Variants in UBTD2 observed in about 807,000 individuals in gnomAD.
UBTD2 encodes the protein ubiquitin domain-containing protein 2.
In UBTD2, 9 loss-of-function variants were observed where a neutral mutation model predicts 19.8. That is an observed-to-expected ratio of 0.46 (90% CI 0.27 to 0.79). The LOEUF (loss-of-function observed/expected upper bound fraction) is 0.79, where lower values mean the gene tolerates loss of function less well. Among genes scored for constraint, UBTD2 ranks in the 30% least tolerant of loss-of-function variants. The pLI is 0.14. For missense variants in UBTD2, 250 were observed against 300.4 expected, an observed-to-expected ratio of 0.83 and a Z score of 1.24; for synonymous variants, 98 against 103.9, an observed-to-expected ratio of 0.94 and a Z score of 0.35.
chr5:172,247,703 A>T (rs1399551856), intron 1 of UBTD2, among the ~76,000 whole-genome samples: 2 of 152,214 alleles, frequency 1.3e-5, no homozygotes, highest in African/African-American at 2.4e-5. Context: ...CAAGCACAGA[A>T]TTGAAGGGAG....
intron 1 of UBTD2, among the ~76,000 whole-genome samples, chr5:172,269,691 AACTAAGAG>A (rs1755445689): frequency 1.3e-5 from 2 of 151,120 alleles, no homozygotes; most frequent in South Asian, 4.2e-4. Flanking sequence ...GAAAATTGGG[AACTAAGAG>A]ACACAGACTG....
chr5:172,229,728 G>A (rs1436387595), intron 2 of UBTD2, among the ~76,000 whole-genome samples: 2 of 152,074 alleles, frequency 1.3e-5, no homozygotes, highest in Non-Finnish European at 2.9e-5. Context: ...AAAGCATTAA[G>A]TGTTCATCTT....
chr5:172,260,281 ACT>A (rs1755241223), intron 1 of UBTD2, among the ~76,000 whole-genome samples: 1 of 151,640 alleles, frequency 6.6e-6, no homozygotes, highest in South Asian at 2.1e-4. Flanking sequence ...AATTTTCCTT[ACT>A]CTCTCTTAAT....
intron 1 of UBTD2, chr5:172,254,425 G>A (rs1042944977): frequency 1.3e-5 from 5 of 399,602 alleles, no homozygotes; most frequent in Admixed American, 4.0e-5. Context: ...TGGTTGGGAC[G>A]GGAAAAGCTA....
In UBTD2 at chr5:172,210,288, G is replaced by A. The variant is rs1005617163; in HGVS notation, c.*1542C>T. 2.6e-5 allele frequency: 4 copies of A among 152,140 alleles called. No homozygotes were observed. The highest frequency in any genetic ancestry group is 9.7e-5 in the African/African-American group (4 of 41,434). 9.4% of individuals were successfully genotyped at this position (152,140 alleles called of 1,614,324 possible). A position where few individuals can be genotyped will look rare whatever the true frequency, so the allele number is the denominator to read the frequency against. ...TTAAACATTACATTTAAACTAATTA[G>A]CAGTTTCATTTTGTCATTAAAATTA... On this transcript the variant is annotated 3_prime_UTR_variant, in exon 3 of 3. Transcript: ENST00000393792.
At chr5:172,245,673 T>C (rs910663087) in intron 1 of UBTD2, among the ~76,000 whole-genome samples, 6 of 151,378 alleles carry the variant, frequency 4.0e-5, no homozygotes, top group African/African-American at 1.5e-4. Flanking sequence ...GATCACACCA[T>C]TGCACTCTAG....
intron 1 of UBTD2, among the ~76,000 whole-genome samples, chr5:172,252,000 A>T (rs150420452): frequency 6.6e-6 from 1 of 152,224 alleles, no homozygotes; most frequent in South Asian, 2.1e-4. Context: ...AATATTTCTC[A>T]AACAATTAGA....
chr5:172,278,985 C>A (rs984302868), intron 1 of UBTD2, among the ~76,000 whole-genome samples: 6 of 152,270 alleles, frequency 3.9e-5, no homozygotes, highest in African/African-American at 1.4e-4. Flanking sequence ...TCCATGTTGG[C>A]CAGGCTGGTC....
intron 1 of UBTD2, among the ~76,000 whole-genome samples, chr5:172,274,802 T>A (rs1046914785): frequency 1.3e-5 from 2 of 151,880 alleles, no homozygotes; most frequent in East Asian, 1.9e-4. Context: ...GCACTTTGGG[T>A]GGCCGAGGTG....
At chr5:172,232,382 G>A (rs1218658528) in intron 2 of UBTD2, among the ~76,000 whole-genome samples, 1 of 150,932 alleles carries the variant, frequency 6.6e-6, no homozygotes, top group East Asian at 1.9e-4. Context: ...ATGTAGGAGG[G>A]ATCACTTTTA....
At chr5:172,228,601 A>G (rs1771824678) in intron 2 of UBTD2, among the ~76,000 whole-genome samples, 1 of 151,914 alleles carries the variant, frequency 6.6e-6, no homozygotes, top group African/African-American at 2.4e-5. Flanking sequence ...CACGCCTGTA[A>G]TCTCAGCTAC....
intron 1 of UBTD2, among the ~76,000 whole-genome samples, chr5:172,260,740 T>C (rs2113096420): frequency 6.6e-6 from 1 of 152,328 alleles, no homozygotes; most frequent in Non-Finnish European, 1.5e-5. Context: ...ATTCCAGAAG[T>C]ACTGGGTATC....
chr5:172,244,613 T>C (rs1581221561), intron 1 of UBTD2, among the ~76,000 whole-genome samples: 2 of 151,798 alleles, frequency 1.3e-5, no homozygotes, highest in African/African-American at 4.8e-5. Flanking sequence ...CAGTTTTTGG[T>C]GTTAAAATGT....
At chr5:172,225,944 T>C in intron 2 of UBTD2, among the ~76,000 whole-genome samples, 1 of 120,478 alleles carries the variant, frequency 8.3e-6, no homozygotes, top group East Asian at 3.8e-4. Context: ...TTTTTTTTTT[T>C]TTTTTTTTTT....
At chr5:172,240,316 T>C (rs947251434) in intron 1 of UBTD2, among the ~76,000 whole-genome samples, 1 of 152,220 alleles carries the variant, frequency 6.6e-6, no homozygotes, top group Non-Finnish European at 1.5e-5. Context: ...GGATCGTATG[T>C]AGGAATATCT....
chr5:172,277,506 A>T (rs1013115921), intron 1 of UBTD2, among the ~76,000 whole-genome samples: 2 of 152,120 alleles, frequency 1.3e-5, no homozygotes, highest in Non-Finnish European at 2.9e-5. Flanking sequence ...CGGGAGTTTG[A>T]GACCAGCCTC....
chr5:172,273,590 CAAAAAAAAAAAAAAAA>C (rs35687001), intron 1 of UBTD2, among the ~76,000 whole-genome samples: 22 of 36,420 alleles, frequency 6.0e-4, no homozygotes, highest in Admixed American at 1.4e-3. Flanking sequence ...GACTCCGTCT[CAAAAAAAAAAAAAAAA>C]AAAAAAAAAA....
intron 2 of UBTD2, among the ~76,000 whole-genome samples, chr5:172,214,995 C>G (rs1305078371): frequency 6.6e-6 from 1 of 152,178 alleles, no homozygotes; most frequent in African/African-American, 2.4e-5. Flanking sequence ...ATAGGAGAGA[C>G]AGGCAGGGTA....
chr5:172,244,302 T>TTTTTTTG (rs1561857784), intron 1 of UBTD2, among the ~76,000 whole-genome samples: 1 of 149,940 alleles, frequency 6.7e-6, no homozygotes, highest in Non-Finnish European at 1.5e-5. Flanking sequence ...CCAGTTTTTT[T>TTTTTTTG]TTTTTTTTTT....
Sources: gnomAD v4.1 joint callset for allele counts (sites outside exome capture counted in the v4.1 genomes callset) on GRCh38, gnomAD v4.1.1 for gene constraint, MANE v1.5 for transcripts, NCBI Gene and HGNC (gene_info 2026-07-23, HGNC 2026-07-21) for gene names.